The following GRIA1 variants were observed in gnomAD, a reference collection of about 807,000 sequenced individuals.
GRIA1 encodes the protein glutamate ionotropic receptor AMPA type subunit 1.
A neutral mutation model predicts 99.2 loss-of-function variants in GRIA1; 31 were observed. The ratio of observed to expected loss-of-function variants is 0.31; its 90% CI spans 0.23 to 0.42. The LOEUF (loss-of-function observed/expected upper bound fraction) is 0.42, where lower values mean the gene tolerates loss of function less well. Among genes scored for constraint, GRIA1 ranks in the 10% least tolerant of loss-of-function variants. GRIA1 has a pLI of 1.00. For missense variants in GRIA1, 782 were observed against 1,157.5 expected (o/e 0.68, Z 4.71); for synonymous variants, 438 against 432.4 (o/e 1.01, Z -0.16).
intron 13 of GRIA1, among the ~76,000 whole-genome samples, chr5:153,774,392 C>A (rs1764087283): frequency 6.6e-6 from 1 of 152,090 alleles, no homozygotes; most frequent in Non-Finnish European, 1.5e-5. Flanking sequence ...TATTTTGAAT[C>A]ATAAAAAATA....
At chr5:153,753,551 C>T (rs747671735) in intron 11 of GRIA1, among the ~76,000 whole-genome samples, 2 of 152,166 alleles carry the variant, frequency 1.3e-5, no homozygotes, top group African/African-American at 2.4e-5. Flanking sequence ...TGACTCTGGG[C>T]TCGTCATCTT....
chr5:153,689,791 G>T (rs968219929), intron 8 of GRIA1, among the ~76,000 whole-genome samples: 1 of 152,172 alleles, frequency 6.6e-6, no homozygotes, highest in African/African-American at 2.4e-5. Flanking sequence ...TTCCTCTCCT[G>T]GCTGGACTTC....
chr5:153,599,951 A>T (rs1408817606), intron 2 of GRIA1, among the ~76,000 whole-genome samples: 3 of 152,138 alleles, frequency 2.0e-5, no homozygotes, highest in Admixed American at 2.0e-4. Flanking sequence ...GGAAAGGAAG[A>T]AGGCTGTCGG....
chr5:153,592,198 CA>C (rs1482873363), intron 2 of GRIA1, among the ~76,000 whole-genome samples: 1 of 152,208 alleles, frequency 6.6e-6, no homozygotes, highest in Non-Finnish European at 1.5e-5. Flanking sequence ...TTGAACTGTC[CA>C]AGCCATGGCC....
chr5:153,667,237 C>T (rs1443845915), intron 5 of GRIA1, among the ~76,000 whole-genome samples: 1 of 152,148 alleles, frequency 6.6e-6, no homozygotes, highest in African/African-American at 2.4e-5. Context: ...TTTAATAAAC[C>T]TTACTTGCCC....
chr5:153,764,751 TG>T, intron 12 of GRIA1, 119 bp downstream of exon 12: 1 of 696,010 alleles, frequency 1.4e-6, no homozygotes, highest in Non-Finnish European at 2.5e-6. Flanking sequence ...CTTAACTGAC[TG>T]TAAGTCAGGG....
At chr5:153,653,615 AT>A (rs752884158) in intron 4 of GRIA1, among the ~76,000 whole-genome samples, 1 of 152,188 alleles carries the variant, frequency 6.6e-6, no homozygotes, top group Non-Finnish European at 1.5e-5. Flanking sequence ...TATCCATCAC[AT>A]CCCCCTATGT....
At chr5:153,589,715 T>C (rs191343426) in intron 2 of GRIA1, among the ~76,000 whole-genome samples, 287 of 152,268 alleles carry the variant, frequency 1.9e-3, no homozygotes, top group African/African-American at 6.5e-3. Flanking sequence ...ACTCTCAGGT[T>C]GGCACTATAA....
chr5:153,548,820 T>C (rs1759849149), intron 2 of GRIA1, among the ~76,000 whole-genome samples: 1 of 152,204 alleles, frequency 6.6e-6, no homozygotes. Flanking sequence ...GGTTTTTTAT[T>C]ATTTTCTAAG....
intron 2 of GRIA1, among the ~76,000 whole-genome samples, chr5:153,624,764 G>A (rs770447713): frequency 1.2e-4 from 18 of 152,256 alleles, no homozygotes; most frequent in South Asian, 4.1e-4. Flanking sequence ...AGATAATCAC[G>A]TGGAAAACTG....
chr5:153,620,291 T>C (rs1766912599), intron 2 of GRIA1, among the ~76,000 whole-genome samples: 2 of 152,176 alleles, frequency 1.3e-5, no homozygotes, highest in Non-Finnish European at 2.9e-5. Context: ...TAGACTTTTT[T>C]TTTTTTTCCT....
At chr5:153,708,090 T>A (rs1759046375) in intron 11 of GRIA1, among the ~76,000 whole-genome samples, 1 of 152,212 alleles carries the variant, frequency 6.6e-6, no homozygotes, top group Non-Finnish European at 1.5e-5. Context: ...TCACAGAACC[T>A]TTATGCTGTG....
intron 2 of GRIA1, among the ~76,000 whole-genome samples, chr5:153,568,000 G>T (rs979953329): frequency 6.6e-6 from 1 of 152,144 alleles, no homozygotes; most frequent in African/African-American, 2.4e-5. Flanking sequence ...TTGGGGTTTT[G>T]TCCCACTTTA....
intron 7 of GRIA1, among the ~76,000 whole-genome samples, chr5:153,677,833 G>A (rs562716117): frequency 1.9e-4 from 29 of 152,312 alleles, no homozygotes; most frequent in Admixed American, 8.5e-4. Context: ...AACATGCCTG[G>A]TTTAGAAGAT....
At chr5:153,569,563 G>A (rs1393057717) in intron 2 of GRIA1, among the ~76,000 whole-genome samples, 2 of 152,208 alleles carry the variant, frequency 1.3e-5, no homozygotes, top group Non-Finnish European at 2.9e-5. Context: ...CTGAACCTGG[G>A]ATAGCCCAGA....
At chr5:153,751,887 A>G (rs1762533159) in intron 11 of GRIA1, among the ~76,000 whole-genome samples, 1 of 152,190 alleles carries the variant, frequency 6.6e-6, no homozygotes, top group Non-Finnish European at 1.5e-5. Flanking sequence ...CTCCCAGACC[A>G]TGTCCGAATT....
chr5:153,726,942 A>G (rs1248488697), intron 11 of GRIA1, among the ~76,000 whole-genome samples: 1 of 152,240 alleles, frequency 6.6e-6, no homozygotes, highest in African/African-American at 2.4e-5. Flanking sequence ...AAAAAAGAGA[A>G]TTTTAGACCA....
chr5:153,492,864 T>C (rs1258218081), intron 1 of GRIA1, among the ~76,000 whole-genome samples: 4 of 152,194 alleles, frequency 2.6e-5, no homozygotes, highest in East Asian at 3.9e-4. Context: ...AGTACTTGAT[T>C]CTATTTGTGT....
At chr5:153,647,546 G>C (rs950263266) in intron 3 of GRIA1, among the ~76,000 whole-genome samples, 7 of 152,032 alleles carry the variant, frequency 4.6e-5, no homozygotes, top group Non-Finnish European at 8.8e-5. Flanking sequence ...TTATATAATG[G>C]GGATAAAATT....
Sources: gnomAD v4.1 joint callset for allele counts (sites outside exome capture counted in the v4.1 genomes callset) on GRCh38, gnomAD v4.1.1 for gene constraint, MANE v1.5 for transcripts, NCBI Gene and HGNC (gene_info 2026-07-23, HGNC 2026-07-21) for gene names.